Variants in BEND7 observed in about 807,000 individuals in gnomAD.
The protein encoded by BEND7 is BEN domain-containing protein 7.
A neutral mutation model predicts 50.9 loss-of-function variants in BEND7; 28 were observed. That is an observed-to-expected ratio of 0.55 (90% CI 0.41 to 0.75). The LOEUF (loss-of-function observed/expected upper bound fraction) is 0.75, where lower values mean the gene tolerates loss of function less well. BEND7 is among the 30% of genes least tolerant of loss of function. The probability of loss-of-function intolerance (pLI) is 0.00; values close to 1 mark genes in which losing one functional copy is unlikely to be tolerated. For synonymous variants in BEND7, 170 were observed against 183.9 expected, an observed-to-expected ratio of 0.92 and a Z score of 0.61; for missense variants, 477 against 491.3, an observed-to-expected ratio of 0.97 and a Z score of 0.28.
At chr10:13,496,336 C>T (rs545250310) in intron 4 of BEND7, among the ~76,000 whole-genome samples, 18 of 152,188 alleles carry the variant, frequency 1.2e-4, no homozygotes, top group Admixed American at 4.6e-4. Context: ...CAGAACACGG[C>T]GGATTTCTGA....
intron 6 of BEND7, among the ~76,000 whole-genome samples, chr10:13,467,447 A>C (rs17533170): frequency 0.17 from 26,308 of 152,244 alleles, 2,663 homozygotes; most frequent in Non-Finnish European, 0.24. Context: ...AGTATGAAAG[A>C]AAGCATGACA....
intron 2 of BEND7, among the ~76,000 whole-genome samples, chr10:13,512,371 C>T (rs1346746414): frequency 2.6e-5 from 4 of 152,176 alleles, no homozygotes; most frequent in African/African-American, 4.8e-5. Flanking sequence ...TCTGTGTTCA[C>T]GATTCTATGA....
At chr10:13,482,397 T>C (rs2075927516) in intron 5 of BEND7, among the ~76,000 whole-genome samples, 1 of 152,190 alleles carries the variant, frequency 6.6e-6, no homozygotes, top group Admixed American at 6.6e-5. Context: ...GATTCTTAGA[T>C]CTCCTATTCA....
At position 13,503,137 on chromosome 10, in the gene BEND7, ATTTTCATTT is replaced by A. The variant is rs562182328; in HGVS notation, c.146-3066_146-3058del. 5.3e-4 allele frequency among the ~76,000 whole-genome samples: 80 copies of A among 152,262 alleles called. 1 individual carries two copies. Among genetic ancestry groups the A allele is most frequent in the African/African-American group, 1.9e-3 (77 of 41,558 alleles). Reference sequence around the variant, plus strand: ...CAACCTGAGTTTTGCATAACTTTGTATTTTCATTTTGACAACCAGCATCCTAAGCTGCAG... The same window carrying A: ...CAACCTGAGTTTTGCATAACTTTGTATGACAACCAGCATCCTAAGCTGCAG... On this transcript the variant is annotated intron_variant, in intron 2 of 8. Coordinates refer to ENST00000466271, the MANE Select transcript of BEND7 (RefSeq NM_001369863.1).
In BEND7 at chr10:13,498,071, C is replaced by CT. The variant is rs67255529; in HGVS notation, c.449-1184dup. Among the ~76,000 whole-genome samples, 676 of 109,802 alleles carry CT rather than the reference C, an allele frequency of 6.2e-3. 2 individuals are homozygous for CT. The highest frequency in any genetic ancestry group is 0.014 in the East Asian group (56 of 4,058). 72.0% of individuals were successfully genotyped at this position (109,802 alleles called of 152,430 possible). On this transcript the variant is annotated intron_variant, in intron 3 of 8. Coordinates refer to ENST00000466271, the MANE Select transcript of BEND7 (RefSeq NM_001369863.1). ...AGTTATATGTAATATATTTCTTTTT[C>CT]TTTTTTTTTTTTTTTTTTTTTTGAG...
intron 7 of BEND7, among the ~76,000 whole-genome samples, chr10:13,449,568 T>C (rs1837233488): frequency 6.6e-6 from 1 of 152,238 alleles, no homozygotes; most frequent in Admixed American, 6.5e-5. Context: ...ACATACCATA[T>C]GCATCGATAT....
intron 2 of BEND7, among the ~76,000 whole-genome samples, chr10:13,519,884 A>AGCC (rs1421721157): frequency 1.3e-5 from 2 of 152,220 alleles, no homozygotes; most frequent in African/African-American, 4.8e-5. Context: ...ATGGAGAAGG[A>AGCC]GCCGCAGTGA....
At chr10:13,524,795 T>A (rs370194316) in intron 2 of BEND7, among the ~76,000 whole-genome samples, 3 of 152,194 alleles carry the variant, frequency 2.0e-5, no homozygotes, top group African/African-American at 7.2e-5. Context: ...AAACAGGTAC[T>A]GGGAGCAGTG....
At position 13,506,842 on chromosome 10, in the gene BEND7, G is replaced by A. The variant is rs148541230; in HGVS notation, c.146-6762C>T. Among the ~76,000 whole-genome samples, 9 of 152,060 alleles carry A rather than the reference G, an allele frequency of 5.9e-5. No homozygotes were observed. In the East Asian group the frequency reaches 1.7e-3, roughly 29 times the overall value. ...CTGGATTTGCTGGGGGTGGAGGCGGGAAGAATCCATGAATGATAACCCCAA... is the reference window on the plus strand; with the variant it reads ...CTGGATTTGCTGGGGGTGGAGGCGGAAAGAATCCATGAATGATAACCCCAA... On this transcript the variant is annotated intron_variant, in intron 2 of 8. Coordinates refer to ENST00000466271, the MANE Select transcript of BEND7 (RefSeq NM_001369863.1).
chr10:13,463,771 T>C (rs1471667769), intron 6 of BEND7, among the ~76,000 whole-genome samples: 3 of 152,306 alleles, frequency 2.0e-5, no homozygotes, highest in South Asian at 4.1e-4. Context: ...AAAGACATTG[T>C]AGGCAACGTC....
At chr10:13,438,772 A>T (rs1439481144), downstream of BEND7, 1 of 178,654 alleles carries the variant, frequency 5.6e-6, no homozygotes, top group African/African-American at 2.4e-5. Flanking sequence ...AGTCCACGTG[A>T]TCTAAGACAA....
At chr10:13,448,957 A>C (rs1468545021) in intron 7 of BEND7, among the ~76,000 whole-genome samples, 2 of 146,280 alleles carry the variant, frequency 1.4e-5, no homozygotes, top group Non-Finnish European at 3.0e-5. Context: ...TGGGCGACAG[A>C]GCGAGACTCC....
intron 6 of BEND7, among the ~76,000 whole-genome samples, chr10:13,462,338 A>G (rs752616290): frequency 9.9e-5 from 15 of 152,228 alleles, no homozygotes; most frequent in African/African-American, 1.4e-4. Context: ...CATGGTGGCA[A>G]GCAAGAGAGC....
intron 2 of BEND7, among the ~76,000 whole-genome samples, chr10:13,509,431 A>G (rs989435903): frequency 1.3e-5 from 2 of 152,196 alleles, no homozygotes; most frequent in African/African-American, 4.8e-5. Context: ...GGTCCATCCC[A>G]GAGGCAAGGG....
intron 6 of BEND7, among the ~76,000 whole-genome samples, chr10:13,458,541 C>T (rs1344006714): frequency 6.6e-6 from 1 of 152,214 alleles, no homozygotes; most frequent in Non-Finnish European, 1.5e-5. Flanking sequence ...TCTAAGAACT[C>T]TGGCTGGCAG....
chr10:13,495,592 G>T (rs944916700), intron 4 of BEND7, among the ~76,000 whole-genome samples: 3 of 152,202 alleles, frequency 2.0e-5, no homozygotes, highest in Admixed American at 1.3e-4. Flanking sequence ...AACCTGGGAG[G>T]TAGAGGTTTC....
intron 6 of BEND7, among the ~76,000 whole-genome samples, chr10:13,464,827 A>G (rs1051301825): frequency 6.6e-5 from 10 of 152,230 alleles, no homozygotes; most frequent in Admixed American, 2.6e-4. Flanking sequence ...CTAGATTTCA[A>G]TTATACTCCT....
chr10:13,528,366 G>A, intron 1 of BEND7, 107 bp downstream of exon 1: 1 of 402,046 alleles, frequency 2.5e-6, no homozygotes, highest in Non-Finnish European at 3.4e-6. Flanking sequence ...CGGGGGACCG[G>A]GAAGGACCGG....
intron 5 of BEND7, among the ~76,000 whole-genome samples, chr10:13,484,684 T>C (rs904726535): frequency 6.6e-6 from 1 of 152,240 alleles, no homozygotes; most frequent in Non-Finnish European, 1.5e-5. Flanking sequence ...AGTAATACGA[T>C]TTTTAAATGA....
Sources: gnomAD v4.1 joint callset for allele counts (sites outside exome capture counted in the v4.1 genomes callset) on GRCh38, gnomAD v4.1.1 for gene constraint, MANE v1.5 for transcripts, NCBI Gene and HGNC (gene_info 2026-07-23, HGNC 2026-07-21) for gene names.